LINGO2: variants seen among roughly 807,000 people sequenced by gnomAD.
LINGO2 encodes the protein leucine-rich repeat and immunoglobulin-like domain-containing nogo receptor-interacting protein 2.
A neutral mutation model predicts 30.6 loss-of-function variants in LINGO2; 14 were observed. That is an observed-to-expected ratio of 0.46 (90% CI 0.30 to 0.72). The LOEUF is 0.72. Among genes scored for constraint, LINGO2 ranks in the 30% least tolerant of loss-of-function variants. The pLI is 0.07. For synonymous variants in LINGO2, 317 were observed against 288.5 expected, an observed-to-expected ratio of 1.10 and a Z score of -1.00; for missense variants, 729 against 751.7, an observed-to-expected ratio of 0.97 and a Z score of 0.35.
chr9:28,203,523 G>A (rs528887210), intron 4 of LINGO2, among the ~76,000 whole-genome samples: 1 of 152,236 alleles, frequency 6.6e-6, no homozygotes, highest in South Asian at 2.1e-4. Context: ...GAAGGATTCT[G>A]AAAATTAGTC....
At chr9:29,147,101 A>G in the LINGO2 span, among the ~76,000 whole-genome samples, 1 of 152,276 alleles carries the variant, frequency 6.6e-6, no homozygotes, top group East Asian at 1.9e-4. Flanking sequence ...AAGCATGTAC[A>G]CATCTGAAAT....
At chr9:27,937,888 G>T in the LINGO2 span, 1 of 152,026 alleles carries the variant, frequency 6.6e-6, no homozygotes, top group African/African-American at 2.4e-5. Flanking sequence ...AGACTGAAAA[G>T]GATTATCATG....
the LINGO2 span, among the ~76,000 whole-genome samples, chr9:28,744,740 G>C: frequency 1.3e-5 from 2 of 150,912 alleles, no homozygotes; most frequent in Admixed American, 6.6e-5. Flanking sequence ...GGATTCAAGA[G>C]ATTCTCCTGC....
At chr9:29,143,305 A>C in the LINGO2 span, among the ~76,000 whole-genome samples, 2 of 152,096 alleles carry the variant, frequency 1.3e-5, no homozygotes, top group Non-Finnish European at 2.9e-5. Context: ...TTTTTGCAAA[A>C]ATGGAAAAAA....
the LINGO2 span, among the ~76,000 whole-genome samples, chr9:28,998,393 A>G: frequency 2.0e-5 from 3 of 152,110 alleles, no homozygotes; most frequent in African/African-American, 4.8e-5. Context: ...TGCTTTAATT[A>G]TGTTTTCCCT....
At chr9:29,102,009 TAA>T in the LINGO2 span, among the ~76,000 whole-genome samples, 1 of 152,208 alleles carries the variant, frequency 6.6e-6, no homozygotes, top group South Asian at 2.1e-4. Context: ...TAAAAGTATT[TAA>T]GTCATAGTTG....
chr9:28,495,480 TCC>T (rs1819576648), intron 1 of LINGO2, among the ~76,000 whole-genome samples: 1 of 152,204 alleles, frequency 6.6e-6, no homozygotes, highest in Non-Finnish European at 1.5e-5. Flanking sequence ...GGGAATCCTT[TCC>T]CCATTTCTTG....
intron 2 of LINGO2, among the ~76,000 whole-genome samples, chr9:28,387,616 C>T (rs893305567): frequency 1.3e-5 from 2 of 152,194 alleles, no homozygotes; most frequent in African/African-American, 4.8e-5. Context: ...ATCTTCATTC[C>T]TGAAGTCTGC....
rs1036679077 is a variant in LINGO2 at position 28,203,328 on chromosome 9, G to C, written c.-87+91880C>G. ...TTGATATTGTTGCTAACAGTCAAGG[G>C]AGGAAGCACCTATTTGGTTTGCATG... On this transcript the variant is annotated intron_variant, in intron 4 of 5. Coordinates refer to ENST00000379992, the Ensembl canonical transcript of LINGO2. Among the ~76,000 whole-genome samples, 12 of 152,242 alleles carry C rather than the reference G, an allele frequency of 7.9e-5. No individual in the cohort carries two copies. In the East Asian group the frequency reaches 1.4e-3, roughly 17 times the overall value.
rs578000878 is a variant in LINGO2, at chr9:28,065,574, T to A, written c.-86-53169A>T. 2.0e-5 allele frequency among the ~76,000 whole-genome samples: 3 copies of A among 152,254 alleles called. No homozygotes were observed. The South Asian group carries it at 6.2e-4, about 32-fold the overall frequency. On this transcript the variant is annotated intron_variant, in intron 4 of 5. Transcript: ENST00000379992. ...ATACAAAAATATTTTTATTACATTTTAAAAATATGTATCTTCTAAAAGTGT... is the reference window on the plus strand; with the variant it reads ...ATACAAAAATATTTTTATTACATTTAAAAAATATGTATCTTCTAAAAGTGT...
At chr9:29,182,737 T>C in the LINGO2 span, among the ~76,000 whole-genome samples, 10 of 152,120 alleles carry the variant, frequency 6.6e-5, no homozygotes, top group East Asian at 1.5e-3. Context: ...TAATCTAGTC[T>C]GTGACTCGCT....
the LINGO2 span, among the ~76,000 whole-genome samples, chr9:28,843,596 C>T: frequency 6.6e-6 from 1 of 151,708 alleles, no homozygotes; most frequent in East Asian, 1.9e-4. Flanking sequence ...AATAGAGAGA[C>T]TCCAGTGAAC....
chr9:28,291,983 C>A (rs1346051737), intron 4 of LINGO2, among the ~76,000 whole-genome samples: 3 of 152,120 alleles, frequency 2.0e-5, no homozygotes, highest in African/African-American at 7.2e-5. Context: ...TCAGAAACAA[C>A]CAAGGCAGAA....
chr9:28,780,830 ATGTGTGTGTGTGTGTGTGTGTGTG>A, the LINGO2 span, among the ~76,000 whole-genome samples: 4 of 127,424 alleles, frequency 3.1e-5, no homozygotes, highest in African/African-American at 1.1e-4. Context: ...CTTGGTAGTA[ATGTGTGTGTGTGTGTGTGTGTGTG>A]TGTGTGTGTG....
At chr9:28,215,112 C>G (rs1176508133) in intron 4 of LINGO2, among the ~76,000 whole-genome samples, 1 of 151,660 alleles carries the variant, frequency 6.6e-6, no homozygotes, top group Non-Finnish European at 1.5e-5. Context: ...GCTGATATTG[C>G]TGCTTCTCTA....
intron 3 of LINGO2, among the ~76,000 whole-genome samples, chr9:28,312,712 T>C (rs1824679171): frequency 6.6e-6 from 1 of 152,182 alleles, no homozygotes; most frequent in Non-Finnish European, 1.5e-5. Context: ...GAGAAAATTT[T>C]AATAGTTTTA....
chr9:28,553,949 G>A (rs916198322), intron 1 of LINGO2, among the ~76,000 whole-genome samples: 3 of 152,012 alleles, frequency 2.0e-5, no homozygotes, highest in African/African-American at 7.2e-5. Context: ...AGCAAATGCT[G>A]AGAGATTTTG....
intron 4 of LINGO2, among the ~76,000 whole-genome samples, chr9:28,267,316 A>G (rs1201433745): frequency 6.6e-6 from 1 of 151,706 alleles, no homozygotes; most frequent in African/African-American, 2.4e-5. Context: ...TTATTTAATT[A>G]TCTTACACAT....
At chr9:27,944,701 A>T (rs1823296950), downstream of LINGO2, among the ~76,000 whole-genome samples, 1 of 152,188 alleles carries the variant, frequency 6.6e-6, no homozygotes, top group Non-Finnish European at 1.5e-5. Flanking sequence ...GTATGAGTCT[A>T]ACAAACAGGG....
Sources: allele counts gnomAD v4.1 joint callset (sites outside exome capture counted in the v4.1 genomes callset), GRCh38; gene constraint gnomAD v4.1.1; transcripts MANE v1.5; gene names NCBI Gene and HGNC (gene_info 2026-07-23, HGNC 2026-07-21).